The following PHGR1 variants were observed in gnomAD, a reference collection of about 807,000 sequenced individuals.
The protein encoded by PHGR1 is proline, histidine and glycine rich 1, also known as proline, histidine and glycine-rich protein 1.
Under a neutral mutation model 4.9 loss-of-function variants are expected in PHGR1, and 3 were observed. The observed-to-expected ratio is 0.61, with a 90% CI of 0.28 to 1.58. The LOEUF is 1.58. Ranked by LOEUF, PHGR1 falls within the 40% of genes most tolerant of loss-of-function variation. The pLI, the probability that PHGR1 is intolerant of heterozygous loss-of-function variation, is 0.11. For missense variants in PHGR1, 81 were observed against 118.7 expected (o/e 0.68, Z 1.48); for synonymous variants, 32 against 46.1 (o/e 0.69, Z 1.24).
At chr15:40,351,454 G>A (rs1031334748) in intron 1 of PHGR1, among the ~76,000 whole-genome samples, 4 of 152,122 alleles carry the variant, frequency 2.6e-5, no homozygotes, top group South Asian at 2.1e-4. Context: ...CTGGCCCTGA[G>A]GTTTTCTTTA....
chr15:40,354,410 C>T, intron 3 of PHGR1, 58 bp downstream of exon 3: 1 of 1,490,254 alleles, frequency 6.7e-7, no homozygotes, highest in South Asian at 1.2e-5. Flanking sequence ...GTCCTCCAGA[C>T]CCCTAGCCTC....
At chr15:40,354,380 C>T in intron 3 of PHGR1, 28 bp downstream of exon 3, 22 of 1,531,392 alleles carry the variant, frequency 1.4e-5, no homozygotes, top group Non-Finnish European at 1.9e-5. Flanking sequence ...ATGGTCTCCC[C>T]TTTTTCCTCC....
chr15:40,353,370 A>G, intron 2 of PHGR1, 103 bp downstream of exon 2: 1 of 1,432,550 alleles, frequency 7.0e-7, no homozygotes, highest in Non-Finnish European at 9.6e-7. Context: ...CGTGCCAAAA[A>G]TGTACGTGCG....
chr15:40,355,999 G>A, intron 3 of PHGR1, 74 bp from the exon 4 acceptor site: 3 of 1,448,596 alleles, frequency 2.1e-6, no homozygotes, highest in African/African-American at 1.4e-5. Flanking sequence ...GGGAAGTGGA[G>A]TGAGGGAGAG....
chr15:40,355,730 T>C (rs1889283307), intron 3 of PHGR1, among the ~76,000 whole-genome samples: 1 of 152,212 alleles, frequency 6.6e-6, no homozygotes, highest in Admixed American at 6.5e-5. Flanking sequence ...AAGCCTCTAA[T>C]CACTCTGCAA....
At chr15:40,355,062 G>A (rs967493386) in intron 3 of PHGR1, among the ~76,000 whole-genome samples, 2 of 152,078 alleles carry the variant, frequency 1.3e-5, no homozygotes, top group Non-Finnish European at 2.9e-5. Flanking sequence ...CAGACAGTGG[G>A]AGCATAGCCC....
chr15:40,351,641 C>T (rs999941849), intron 1 of PHGR1, among the ~76,000 whole-genome samples: 3 of 152,086 alleles, frequency 2.0e-5, no homozygotes, highest in Non-Finnish European at 4.4e-5. Context: ...TGCAGGGGGC[C>T]GGGTGCAGTG....
intron 3 of PHGR1, among the ~76,000 whole-genome samples, chr15:40,355,478 C>A (rs1889278115): frequency 6.6e-6 from 1 of 151,902 alleles, no homozygotes; most frequent in South Asian, 2.1e-4. Context: ...ATGGCACACA[C>A]CGTCTACACA....
At chr15:40,351,540 C>T (rs1320005785) in intron 1 of PHGR1, among the ~76,000 whole-genome samples, 1 of 152,180 alleles carries the variant, frequency 6.6e-6, no homozygotes, top group African/African-American at 2.4e-5. Flanking sequence ...GACGAGGGAG[C>T]ACGAAGGACC....
At chr15:40,355,690 T>A (rs549133645) in intron 3 of PHGR1, among the ~76,000 whole-genome samples, 1 of 152,218 alleles carries the variant, frequency 6.6e-6, no homozygotes, top group East Asian at 1.9e-4. Context: ...TGCTCCTAAG[T>A]ACAATGAGCC....
At chr15:40,353,622 G>A (rs549300124) in intron 2 of PHGR1, 7 of 286,208 alleles carry the variant, frequency 2.4e-5, no homozygotes, top group South Asian at 1.1e-4. Context: ...CTGTGCCATC[G>A]GCTTCCCTCG....
chr15:40,353,160 C>A (rs1485765330), intron 1 of PHGR1, 72 bp from the exon 2 acceptor site: 2 of 1,373,580 alleles, frequency 1.5e-6, no homozygotes, highest in Non-Finnish European at 2.0e-6. Flanking sequence ...CGCGCGCGCG[C>A]ATCCGTGGGA....
chr15:40,354,488 C>G, intron 3 of PHGR1, 136 bp downstream of exon 3: 1 of 1,151,094 alleles, frequency 8.7e-7, no homozygotes, highest in Non-Finnish European at 1.2e-6. Flanking sequence ...GCTCAGGCAG[C>G]AGCCCCGTGG....
At chr15:40,352,397 GA>G (rs1186778165) in intron 1 of PHGR1, among the ~76,000 whole-genome samples, 1 of 151,906 alleles carries the variant, frequency 6.6e-6, no homozygotes, top group Non-Finnish European at 1.5e-5. Context: ...TTTGAGGGTT[GA>G]AAAAAAATGA....
At chr15:40,354,431 C>T in intron 3 of PHGR1, 79 bp downstream of exon 3, 7 of 1,438,828 alleles carry the variant, frequency 4.9e-6, no homozygotes, top group Non-Finnish European at 6.6e-6. Context: ...CTTCCTAGAC[C>T]CTCAGGGAGC....
At chr15:40,354,475 C>A in intron 3 of PHGR1, 123 bp downstream of exon 3, 1 of 1,228,422 alleles carries the variant, frequency 8.1e-7, no homozygotes, top group Non-Finnish European at 1.1e-6. Context: ...AAGAAGGGAG[C>A]AGGCTCAGGC....
chr15:40,353,853 A>C lies in PHGR1; in HGVS notation c.11-492A>C. The C allele has an allele frequency of 1.1e-5, 2 of 183,552 alleles. 1 individual carries two copies. Among genetic ancestry groups the C allele is most frequent in the Non-Finnish European group, 2.3e-5 (2 of 86,960 alleles). The allele number at this position is 183,552 out of a possible 1,614,324, so 11.4% of individuals were successfully genotyped here. ...GTGGGAGGAGGCATGAGCAAAGGCC[A>C]AGAGCTGAGAACAGAAGGTCATAAA... On this transcript the variant is annotated intron_variant, in intron 2 of 3. Transcript: ENST00000448599.
In PHGR1 at chr15:40,353,239, C is replaced by G. The variant is rs1384770683; in HGVS notation, c.-19C>G. On this transcript the variant is annotated 5_prime_UTR_variant, in exon 2 of 4. Transcript: ENST00000448599. ...GTTACCTTTTGAACACAGGTATTCC[C>G]TGCTCTTACTCCAAAAAGATGGACC... 2 of 1,551,424 alleles carry G rather than the reference C, an allele frequency of 1.3e-6. No individual in the cohort carries two copies. The highest frequency in any genetic ancestry group is 8.7e-7 in the Non-Finnish European group (1 of 1,146,858).
intron 1 of PHGR1, 116 bp from the exon 2 acceptor site, chr15:40,353,116 T>G (rs917807160): frequency 2.6e-6 from 1 of 382,502 alleles, no homozygotes; most frequent in Non-Finnish European, 3.8e-6. Flanking sequence ...GAAGGGTGTG[T>G]GTGTGTGTGT....
Sources: gnomAD v4.1 joint callset for allele counts (sites outside exome capture counted in the v4.1 genomes callset) on GRCh38, gnomAD v4.1.1 for gene constraint, MANE v1.5 for transcripts, NCBI Gene and HGNC (gene_info 2026-07-23, HGNC 2026-07-21) for gene names.